NTM: variants seen among roughly 807,000 people sequenced by gnomAD.
NTM encodes the protein IgLON family member 2.
A neutral mutation model predicts 42.1 loss-of-function variants in NTM; 13 were observed. The observed-to-expected ratio is 0.31, with a 90% CI of 0.20 to 0.49. NTM has a LOEUF of 0.49. Among genes scored for constraint, NTM ranks in the 20% least tolerant of loss-of-function variants. NTM has a pLI of 0.99. For synonymous variants in NTM, 187 were observed against 179.2 expected (o/e 1.04, Z -0.35); for missense variants, 373 against 452.8 (o/e 0.82, Z 1.60).
chr11:132,332,428 A>G (rs2095817342), intron 8 of NTM: 1 of 152,274 alleles, frequency 6.6e-6, no homozygotes. Flanking sequence ...GGGGCTGCTC[A>G]GGCTTTTCCC....
In NTM at chr11:132,135,196, G is replaced by A. The variant is rs138917814; in HGVS notation, c.168-11086G>A. 5.1e-3 allele frequency among the ~76,000 whole-genome samples: 777 copies of A among 152,172 alleles called. 2 individuals are homozygous for A. Among genetic ancestry groups the A allele is most frequent in the African/African-American group, 0.018 (730 of 41,560 alleles). The stretch of plus-strand genomic sequence containing the variant: ...CAGGGCCAGAAGGGCCCCCACTCCC[G>A]GCTTCTGGCTGCAGGCTCTACCTTG... On this transcript the variant is annotated intron_variant, in intron 2 of 8. Transcript: ENST00000683400.
At chr11:132,058,669 T>C (rs1402224837) in intron 2 of NTM, among the ~76,000 whole-genome samples, 1 of 152,054 alleles carries the variant, frequency 6.6e-6, no homozygotes, top group African/African-American at 2.4e-5. Flanking sequence ...GGGCAGGGAG[T>C]TCAGAAAGGA....
intron 2 of NTM, among the ~76,000 whole-genome samples, chr11:132,113,014 A>T (rs1026711040): frequency 6.6e-6 from 1 of 152,172 alleles, no homozygotes; most frequent in Non-Finnish European, 1.5e-5. Context: ...GACAGAAAGA[A>T]TCTACCCCAG....
intron 5 of NTM, among the ~76,000 whole-genome samples, chr11:132,309,894 A>G (rs1035796070): frequency 3.3e-5 from 5 of 152,090 alleles, no homozygotes; most frequent in Non-Finnish European, 5.9e-5. Flanking sequence ...CGTCGCTGCT[A>G]AAAATACAAA....
chr11:131,847,421 G>A (rs1467771378), intron 1 of NTM, among the ~76,000 whole-genome samples: 1 of 152,082 alleles, frequency 6.6e-6, no homozygotes, highest in Non-Finnish European at 1.5e-5. Context: ...TGAGATGAGA[G>A]GAGGTACAGA....
At chr11:131,684,694 G>A (rs1440978115) in intron 1 of NTM, among the ~76,000 whole-genome samples, 1 of 152,242 alleles carries the variant, frequency 6.6e-6, no homozygotes, top group African/African-American at 2.4e-5. Flanking sequence ...TGTTTGAGAA[G>A]CCTCCTTTCC....
intron 1 of NTM, among the ~76,000 whole-genome samples, chr11:131,888,665 C>T (rs769161728): frequency 1.2e-4 from 18 of 152,176 alleles, no homozygotes; most frequent in Non-Finnish European, 1.0e-4. Context: ...CAGGAACAGT[C>T]TTGCTCCAAA....
intron 1 of NTM, among the ~76,000 whole-genome samples, chr11:131,880,684 A>G (rs1434315920): frequency 2.0e-5 from 3 of 152,192 alleles, no homozygotes; most frequent in Non-Finnish European, 4.4e-5. Flanking sequence ...TCTTAGGATG[A>G]CATATACACA....
At chr11:131,692,827 A>G (rs1193809583) in intron 1 of NTM, among the ~76,000 whole-genome samples, 1 of 152,214 alleles carries the variant, frequency 6.6e-6, no homozygotes, top group Non-Finnish European at 1.5e-5. Flanking sequence ...GGGGTTAAAA[A>G]GGAGACTCGA....
intron 2 of NTM, among the ~76,000 whole-genome samples, chr11:132,107,046 T>C (rs2062465316): frequency 6.6e-6 from 1 of 152,100 alleles, no homozygotes; most frequent in African/African-American, 2.4e-5. Flanking sequence ...CATGTAAAAC[T>C]CCCAGACATA....
intron 1 of NTM, among the ~76,000 whole-genome samples, chr11:131,475,935 G>T (rs1223020269): frequency 6.6e-6 from 1 of 152,154 alleles, no homozygotes; most frequent in Non-Finnish European, 1.5e-5. Flanking sequence ...CTATTATGCA[G>T]ACACTGAGAT....
At chr11:131,561,039 C>T (rs2056163773) in intron 1 of NTM, among the ~76,000 whole-genome samples, 1 of 152,220 alleles carries the variant, frequency 6.6e-6, no homozygotes, top group South Asian at 2.1e-4. Flanking sequence ...AGCCAGTGTC[C>T]ACCTTCCTAG....
At chr11:132,324,807 G>A (rs1367548665) in intron 7 of NTM, among the ~76,000 whole-genome samples, 2 of 149,780 alleles carry the variant, frequency 1.3e-5, no homozygotes, top group Admixed American at 6.7e-5. Context: ...GCATGGTACT[G>A]GTACCAAAAC....
intron 1 of NTM, among the ~76,000 whole-genome samples, chr11:131,522,834 C>T (rs187577156): frequency 3.9e-4 from 59 of 152,300 alleles, no homozygotes; most frequent in Middle Eastern, 3.4e-3. Context: ...AGCTGCTGCA[C>T]GTTAAAATCA....
At position 131,860,779 on chromosome 11, in the gene NTM, G is replaced by A. The variant is rs934505385; in HGVS notation, c.83-50785G>A. Among the ~76,000 whole-genome samples the A allele has an allele frequency of 3.3e-5, 5 of 152,312 alleles. No individual in the cohort carries two copies. The East Asian group carries it at 9.7e-4, about 29-fold the overall frequency. On this transcript the variant is annotated intron_variant, in intron 1 of 8. Transcript: ENST00000683400. ...AATTCTTAGCTACATTTCCTTGGTA[G>A]AGGTGATGGTGGGGCTACATCATCT...
chr11:132,317,448 C>T (rs1264992252), intron 7 of NTM, among the ~76,000 whole-genome samples: 2 of 152,148 alleles, frequency 1.3e-5, no homozygotes, highest in Non-Finnish European at 1.5e-5. Context: ...TCACGGCATT[C>T]AATATGGAAA....
At chr11:131,813,819 C>T (rs1002992650) in intron 1 of NTM, among the ~76,000 whole-genome samples, 12 of 151,322 alleles carry the variant, frequency 7.9e-5, no homozygotes, top group Admixed American at 3.9e-4. Flanking sequence ...GACAGAGACC[C>T]GGGTTCTAAC....
chr11:132,245,368 G>C lies in NTM; in HGVS notation c.526+33221G>C, dbSNP rs542762146. Among the ~76,000 whole-genome samples, 73 of 152,244 alleles carry C rather than the reference G, an allele frequency of 4.8e-4. 1 individual carries two copies. Among genetic ancestry groups the C allele is most frequent in the African/African-American group, 1.6e-3 (68 of 41,558 alleles). ...GCACAGGAAGTTCAAGTGCAGAGTA[G>C]AGAAGTGGAGGGCCAGGTAATGCCA... On this transcript the variant is annotated intron_variant, in intron 4 of 8. Transcript: ENST00000683400.
At chr11:131,851,407 T>C (rs2136824903) in intron 1 of NTM, among the ~76,000 whole-genome samples, 1 of 152,274 alleles carries the variant, frequency 6.6e-6, no homozygotes, top group Non-Finnish European at 1.5e-5. Context: ...GAAAAAAATA[T>C]TTTAATATTT....
Sources: allele counts gnomAD v4.1 joint callset (sites outside exome capture counted in the v4.1 genomes callset), GRCh38; gene constraint gnomAD v4.1.1; transcripts MANE v1.5; gene names NCBI Gene and HGNC (gene_info 2026-07-23, HGNC 2026-07-21).